The following DNAJC15 variants were observed in gnomAD, a reference collection of about 807,000 sequenced individuals.
The protein encoded by DNAJC15 is dnaJ homolog subfamily C member 15.
Under a neutral mutation model 22.4 loss-of-function variants are expected in DNAJC15, and 27 were observed. The observed-to-expected ratio is 1.20, with a 90% CI of 0.89 to 1.66. DNAJC15 has a LOEUF of 1.66. Ranked by LOEUF, DNAJC15 falls within the 40% of genes most tolerant of loss-of-function variation. The pLI, the probability that DNAJC15 is intolerant of heterozygous loss-of-function variation, is 0.00. For missense variants in DNAJC15, 208 were observed against 187.1 expected, an observed-to-expected ratio of 1.11 and a Z score of -0.65; for synonymous variants, 79 against 63.2, an observed-to-expected ratio of 1.25 and a Z score of -1.19.
At chr13:43,093,611 C>A (rs1203071872) in intron 5 of DNAJC15, among the ~76,000 whole-genome samples, 1 of 152,114 alleles carries the variant, frequency 6.6e-6, no homozygotes, top group Non-Finnish European at 1.5e-5. Context: ...AATGGACTCT[C>A]ACTATGTTGT....
At chr13:43,079,784 G>T (rs781038776) in intron 4 of DNAJC15, among the ~76,000 whole-genome samples, 9 of 152,192 alleles carry the variant, frequency 5.9e-5, no homozygotes, top group Non-Finnish European at 1.2e-4. Context: ...ACGTTGTTAG[G>T]ACAGACAGGA....
intron 2 of DNAJC15, among the ~76,000 whole-genome samples, chr13:43,068,669 T>C (rs2040594463): frequency 6.6e-6 from 1 of 152,056 alleles, no homozygotes; most frequent in South Asian, 2.1e-4. Context: ...ATATTACACA[T>C]AAACATTGAA....
intron 4 of DNAJC15, among the ~76,000 whole-genome samples, chr13:43,083,072 GTA>G: frequency 6.6e-6 from 1 of 152,130 alleles, no homozygotes; most frequent in African/African-American, 2.4e-5. Context: ...CTAATATGGA[GTA>G]TTTGTTATTT....
chr13:43,098,288 G>A (rs777751316), intron 5 of DNAJC15, among the ~76,000 whole-genome samples: 2 of 152,192 alleles, frequency 1.3e-5, no homozygotes, highest in Non-Finnish European at 2.9e-5. Context: ...AGGCTTTCTG[G>A]AAGTTGGTAG....
At chr13:43,030,262 C>G (rs1166140500) in intron 1 of DNAJC15, among the ~76,000 whole-genome samples, 1 of 152,108 alleles carries the variant, frequency 6.6e-6, no homozygotes, top group Non-Finnish European at 1.5e-5. Flanking sequence ...TATATGGAAG[C>G]TATAAACTAA....
At chr13:43,078,233 G>A (rs377115734) in intron 3 of DNAJC15, among the ~76,000 whole-genome samples, 5 of 152,160 alleles carry the variant, frequency 3.3e-5, no homozygotes, top group African/African-American at 1.2e-4. Context: ...ATTCTCTGTT[G>A]GCTAGTGTGG....
chr13:43,093,265 T>G (rs1355480654), intron 5 of DNAJC15, among the ~76,000 whole-genome samples: 5 of 152,152 alleles, frequency 3.3e-5, no homozygotes, highest in African/African-American at 7.2e-5. Context: ...GCAAAGTAAT[T>G]TTTTTGAATG....
intron 5 of DNAJC15, among the ~76,000 whole-genome samples, chr13:43,093,820 C>T (rs2040726987): frequency 6.6e-6 from 1 of 152,022 alleles, no homozygotes; most frequent in Admixed American, 6.5e-5. Context: ...TATATCTTTT[C>T]CACAATAAAA....
At position 43,041,641 on chromosome 13, in the gene DNAJC15, A is replaced by G. The variant is rs562578730; in HGVS notation, c.108+17907A>G. Among the ~76,000 whole-genome samples the G allele has an allele frequency of 5.3e-5, 8 of 152,306 alleles. No individual in the cohort carries two copies. In the South Asian group the frequency reaches 1.5e-3, roughly 28 times the overall value. On this transcript the variant is annotated intron_variant, in intron 1 of 5. Coordinates refer to ENST00000379221, the MANE Select transcript of DNAJC15 (RefSeq NM_013238.3). ...CATCTAACCTTTGTTCTCTCCCTGT[A>G]TCCTCACATTTCCCTCCTTGGCCTA...
chr13:43,086,696 C>T (rs1416330189), intron 5 of DNAJC15, among the ~76,000 whole-genome samples: 1 of 152,148 alleles, frequency 6.6e-6, no homozygotes, highest in African/African-American at 2.4e-5. Context: ...TGTGAATAAA[C>T]ATGAGAATAA....
chr13:43,065,401 T>C (rs2040578825), intron 1 of DNAJC15, among the ~76,000 whole-genome samples: 1 of 152,148 alleles, frequency 6.6e-6, no homozygotes, highest in Admixed American at 6.6e-5. Context: ...AAATCGTCTA[T>C]AGAAAAAATT....
rs57085120 is a variant in DNAJC15, at chr13:43,107,524, T to TACACACACACAC, written c.*297_*308dup. On this transcript the variant is annotated 3_prime_UTR_variant, in exon 6 of 6. Coordinates refer to ENST00000379221, the MANE Select transcript of DNAJC15 (RefSeq NM_013238.3). ...TTTTGTTATGTTCTGAATTCCCCCCTACACACACACACACACACACACACA... is the reference window on the plus strand; with the variant it reads ...TTTTGTTATGTTCTGAATTCCCCCCTACACACACACACACACACACACACACACACACACACA... 2,170 of 161,630 alleles carry TACACACACACAC rather than the reference T, an allele frequency of 0.013. 21 individuals carry two copies. Among genetic ancestry groups the TACACACACACAC allele is most frequent in the African/African-American group, 0.025 (1,040 of 41,034 alleles). The allele number at this position is 161,630 out of a possible 1,614,324, so 10.0% of individuals were successfully genotyped here. A position where few individuals can be genotyped will look rare whatever the true frequency, so the allele number is the denominator to read the frequency against.
rs2040813467 is a variant in DNAJC15 at position 43,109,253 on chromosome 13, G to A, written c.*2005G>A. ...GGTACCTTGTGAAGCAACTCTTGGT[G>A]TAACATACCTTATTTCTCATACTAA... On this transcript the variant is annotated 3_prime_UTR_variant, in exon 6 of 6. Coordinates refer to ENST00000379221, the MANE Select transcript of DNAJC15 (RefSeq NM_013238.3). 1 of 152,154 alleles carries A rather than the reference G, an allele frequency of 6.6e-6. No homozygotes were observed. Among genetic ancestry groups the A allele is most frequent in the Non-Finnish European group, 1.5e-5 (1 of 68,022 alleles). 9.4% of individuals were successfully genotyped at this position (152,154 alleles called of 1,614,324 possible). A position where few individuals can be genotyped will look rare whatever the true frequency, so the allele number is the denominator to read the frequency against.
In DNAJC15 at chr13:43,109,778, G is replaced by A. The variant is rs1331278402; in HGVS notation, c.*2530G>A. 6.6e-6 allele frequency: 1 copy of A among 152,098 alleles called. No homozygotes were observed. 9.4% of individuals were successfully genotyped at this position (152,098 alleles called of 1,614,324 possible). On this transcript the variant is annotated 3_prime_UTR_variant, in exon 6 of 6. Coordinates refer to ENST00000379221, the MANE Select transcript of DNAJC15 (RefSeq NM_013238.3). ...TAATGTAAATGACAAGTTAATTGGT[G>A]CAGCACACCAACATGGCTCATGTCT...
At chr13:43,055,980 T>C (rs2040529171) in intron 1 of DNAJC15, among the ~76,000 whole-genome samples, 1 of 152,188 alleles carries the variant, frequency 6.6e-6, no homozygotes, top group Non-Finnish European at 1.5e-5. Context: ...ATTTTTCATC[T>C]TGATTTCATT....
At chr13:43,104,876 A>G (rs1009964281) in intron 5 of DNAJC15, among the ~76,000 whole-genome samples, 2 of 151,250 alleles carry the variant, frequency 1.3e-5, no homozygotes, top group African/African-American at 4.9e-5. Flanking sequence ...TTTTGTAGAG[A>G]CAGAGTCTTA....
intron 5 of DNAJC15, among the ~76,000 whole-genome samples, chr13:43,092,685 G>A (rs2040721009): frequency 6.6e-6 from 1 of 152,142 alleles, no homozygotes; most frequent in Admixed American, 6.5e-5. Context: ...GCCTGGGCAG[G>A]AGGATTGCTT....
At chr13:43,107,077 G>A in intron 5 of DNAJC15, 101 bp from the exon 6 acceptor site, 1 of 897,822 alleles carries the variant, frequency 1.1e-6, no homozygotes, top group Non-Finnish European at 1.6e-6. Flanking sequence ...GAGGATTAAT[G>A]TGTGAGACAA....
chr13:43,046,303 A>G, intron 1 of DNAJC15, among the ~76,000 whole-genome samples: 1 of 152,088 alleles, frequency 6.6e-6, no homozygotes, highest in East Asian at 1.9e-4. Context: ...AAGTTTAACT[A>G]GCATTGTCCA....
Sources: gnomAD v4.1 joint callset for allele counts (sites outside exome capture counted in the v4.1 genomes callset) on GRCh38, gnomAD v4.1.1 for gene constraint, MANE v1.5 for transcripts, NCBI Gene and HGNC (gene_info 2026-07-23, HGNC 2026-07-21) for gene names.